ANKHD1: variants seen among roughly 807,000 people sequenced by gnomAD.
ANKHD1 encodes ankyrin repeat and KH domain containing 1.
A neutral mutation model predicts 230.5 loss-of-function variants in ANKHD1; 31 were observed. The observed-to-expected ratio is 0.13, with a 90% CI of 0.10 to 0.18. The LOEUF (loss-of-function observed/expected upper bound fraction) is 0.18, where lower values mean the gene tolerates loss of function less well. Ranked by LOEUF, ANKHD1 falls within the 10% of genes least tolerant of loss-of-function variation. The probability of loss-of-function intolerance (pLI) is 1.00; values close to 1 mark genes in which losing one functional copy is unlikely to be tolerated. For missense variants in ANKHD1, 2,256 were observed against 3,071.3 expected, an observed-to-expected ratio of 0.73 and a Z score of 6.27; for synonymous variants, 1,074 against 1,117.6, an observed-to-expected ratio of 0.96 and a Z score of 0.78.
At position 140,527,256 on chromosome 5, in the gene ANKHD1, T is replaced by A; in HGVS notation, c.5087+182T>A. ...CAGTATGTAAATTTTGCATGCATAT[T>A]TTATATGACACAAGAAATTTTGGCT... is the stretch of plus-strand genomic sequence containing the variant. On this transcript the variant is annotated intron_variant, in intron 27 of 33. Transcript: ENST00000360839. The surrounding 1 kb of genome is among the most constrained non-coding windows in gnomAD (Gnocchi z 4.5). The A allele has an allele frequency of 2.0e-6, 2 of 1,021,830 alleles. No individual in the cohort carries two copies. The highest frequency in any genetic ancestry group is 2.6e-6 in the Non-Finnish European group (2 of 771,698). The allele number at this position is 1,021,830 out of a possible 1,614,324, so 63.3% of individuals were successfully genotyped here. A position where few individuals can be genotyped will look rare whatever the true frequency, so the allele number is the denominator to read the frequency against.
At chr5:140,434,208 CT>C (rs1026853669) in intron 1 of ANKHD1, among the ~76,000 whole-genome samples, 4 of 151,592 alleles carry the variant, frequency 2.6e-5, no homozygotes, top group Non-Finnish European at 5.9e-5. Context: ...TACTGTGGTC[CT>C]TTTTTTTATA....
intron 11 of ANKHD1, among the ~76,000 whole-genome samples, chr5:140,483,509 G>A (rs1003776588): frequency 7.1e-6 from 1 of 141,590 alleles, no homozygotes; most frequent in African/African-American, 2.6e-5. Context: ...CTAGGCTGGA[G>A]TGCAATGGCG....
chr5:140,519,146 A>C (rs1665210850), intron 24 of ANKHD1, among the ~76,000 whole-genome samples: 1 of 152,194 alleles, frequency 6.6e-6, no homozygotes, highest in African/African-American at 2.4e-5. Flanking sequence ...CCAACAACAG[A>C]GAGCCAAATC....
In ANKHD1 at chr5:140,483,452, C is replaced by CTTT. The variant is rs369245406; in HGVS notation, c.1870+805_1870+807dup. ...TTAAAAATGCAGGGTAAGATTTTATCTTTTTTTTTTTTTTTTTTTTTTGAG... is the reference window on the plus strand; with the variant it reads ...TTAAAAATGCAGGGTAAGATTTTATCTTTTTTTTTTTTTTTTTTTTTTTTTGAG... On this transcript the variant is annotated intron_variant, in intron 11 of 33. Transcript: ENST00000360839. Among the ~76,000 whole-genome samples the CTTT allele has an allele frequency of 4.8e-3, 535 of 110,546 alleles. 10 individuals are homozygous for CTTT. The highest frequency in any genetic ancestry group is 0.016 in the African/African-American group (449 of 28,654). The allele number at this position is 110,546 out of a possible 152,430, so 72.5% of individuals were successfully genotyped here. A position where few individuals can be genotyped will look rare whatever the true frequency, so the allele number is the denominator to read the frequency against.
Position 140,528,165 on chromosome 5 carries a change from G to GTTTTTTTTTTTT in ANKHD1, c.5238-8_5238-7insTTTTTTTTTTTT. 1 of 1,135,226 alleles carries GTTTTTTTTTTTT rather than the reference G, an allele frequency of 8.8e-7. No homozygotes were observed. 70.3% of individuals were successfully genotyped at this position (1,135,226 alleles called of 1,614,324 possible). A position where few individuals can be genotyped will look rare whatever the true frequency, so the allele number is the denominator to read the frequency against. ...TTTTAATGTTTTTGGTCTTGTTTCT[G>GTTTTTTTTTTTT]TTTTTTTTTTTCCCTTAGGGGTGGC... On this transcript the variant is annotated intron_variant, in intron 28 of 33. Transcript: ENST00000360839.
At chr5:140,509,614 G>A (rs759250214) in intron 20 of ANKHD1, 23 bp from the exon 21 acceptor site, 13 of 1,489,258 alleles carry the variant, frequency 8.7e-6, no homozygotes, top group Middle Eastern at 3.6e-4. Context: ...TAACTTAGTT[G>A]CATAATTTAT....
Position 140,535,535 on chromosome 5 carries a change from T to G in ANKHD1, c.7024T>G (p.Ser2342Ala). The change falls in exon 30 of 34, where the codon TCA (serine) becomes GCA (alanine). Residue 2342 changes from serine to alanine, a missense_variant. Ser to Ala is a moderately conservative substitution (Grantham distance 99). Transcript: ENST00000360839. ...CCATCCTTGGACAAGCGCCTCAAAC[T>G]CATGTAGGAATCCTGGAGGAACTCT... The part of the protein sequence containing the change: ...SPHPWTSASN[S>A]STSAPPTLGQ... 2.5e-6 allele frequency: 4 copies of G among 1,589,566 alleles called. No homozygotes were observed. Among genetic ancestry groups the G allele is most frequent in the Non-Finnish European group, 3.4e-6 (4 of 1,172,356 alleles).
intron 29 of ANKHD1, among the ~76,000 whole-genome samples, 197 bp downstream of exon 29, chr5:140,529,993 A>T (rs1210723520): frequency 6.6e-6 from 1 of 152,026 alleles, no homozygotes; most frequent in Non-Finnish European, 1.5e-5. Flanking sequence ...ATTGGTGTCT[A>T]TTCATATTAA....
chr5:140,409,270 A>G (rs990980578), intron 1 of ANKHD1, among the ~76,000 whole-genome samples: 15 of 152,232 alleles, frequency 9.9e-5, no homozygotes, highest in Non-Finnish European at 2.2e-4. Context: ...ATATAAAACT[A>G]GCATGCACTG....
chr5:140,510,204 A>G (rs1752695688), intron 22 of ANKHD1, 23 bp downstream of exon 22: 1 of 1,576,768 alleles, frequency 6.3e-7, no homozygotes, highest in South Asian at 1.2e-5. Flanking sequence ...GGGGGAAGAA[A>G]GGTCAATTTT....
intron 1 of ANKHD1, 85 bp from the exon 2 acceptor site, chr5:140,436,019 A>T (rs1353818614): frequency 2.3e-6 from 3 of 1,328,072 alleles, no homozygotes; most frequent in Non-Finnish European, 2.9e-6. Flanking sequence ...AGTTCTAATT[A>T]AGAAGTCATA....
rs1329489435 is a variant in ANKHD1, at chr5:140,402,226, G to C, written c.259G>C (p.Gly87Arg). The C allele has an allele frequency of 6.6e-7, 1 of 1,518,624 alleles. No individual in the cohort carries two copies. The highest frequency in any genetic ancestry group is 1.2e-5 in the South Asian group (1 of 82,296). 94.1% of individuals were successfully genotyped at this position (1,518,624 alleles called of 1,614,324 possible). A position where few individuals can be genotyped will look rare whatever the true frequency, so the allele number is the denominator to read the frequency against. ...FKLAAAVLRT[G>R]GGGGASGSDE... The stretch of plus-strand genomic sequence containing the variant: ...GTTGGCGGCTGCCGTGCTGAGGACC[G>C]GGGGTGGAGGTGGTGCCTCTGGCAG... The change falls in exon 1 of 34, where the codon GGG (glycine) becomes CGG (arginine). Residue 87 changes from glycine to arginine, a missense_variant. By Grantham distance (125) the Gly-to-Arg change is moderately radical (BLOSUM62 -2). Transcript: ENST00000360839.
At chr5:140,409,726 G>C (rs144790243) in intron 1 of ANKHD1, among the ~76,000 whole-genome samples, 130 of 151,902 alleles carry the variant, frequency 8.6e-4, no homozygotes, top group African/African-American at 3.0e-3. Flanking sequence ...CTAATTTTTT[G>C]TATTTTTAGT....
At chr5:140,532,611 C>G (rs578022604) in intron 29 of ANKHD1, among the ~76,000 whole-genome samples, 1 of 152,054 alleles carries the variant, frequency 6.6e-6, no homozygotes, top group African/African-American at 2.4e-5. Flanking sequence ...TTCAGAGTTT[C>G]TTTTTAGGAT....
At chr5:140,408,485 TA>T (rs1443125207) in intron 1 of ANKHD1, among the ~76,000 whole-genome samples, 1 of 152,188 alleles carries the variant, frequency 6.6e-6, no homozygotes, top group Admixed American at 6.6e-5. Context: ...TACAATTATA[TA>T]AAAGCACGCA....
chr5:140,515,344 G>A (rs907944486), intron 24 of ANKHD1, among the ~76,000 whole-genome samples: 2 of 152,014 alleles, frequency 1.3e-5, no homozygotes, highest in African/African-American at 4.8e-5. Context: ...TTTAACATTG[G>A]TCTGTGAAGA....
chr5:140,424,327 A>G (rs1287287995), intron 1 of ANKHD1, among the ~76,000 whole-genome samples: 1 of 152,148 alleles, frequency 6.6e-6, no homozygotes, highest in Admixed American at 6.6e-5. Flanking sequence ...TCTGTCATCC[A>G]GGCTGGAATG....
intron 1 of ANKHD1, among the ~76,000 whole-genome samples, chr5:140,404,496 G>C (rs887257456): frequency 4.0e-5 from 6 of 151,314 alleles, no homozygotes; most frequent in Non-Finnish European, 5.9e-5. Context: ...GCGGTGGCTC[G>C]ATCTTGGCTC....
At chr5:140,428,189 C>T (rs1328345500) in intron 1 of ANKHD1, among the ~76,000 whole-genome samples, 1 of 149,466 alleles carries the variant, frequency 6.7e-6, no homozygotes, top group Non-Finnish European at 1.5e-5. Context: ...ACATCCCAGA[C>T]GATGGGCGGC....
Sources: gnomAD v4.1 joint callset for allele counts (sites outside exome capture counted in the v4.1 genomes callset) on GRCh38, gnomAD v4.1.1 for gene constraint, Gnocchi (gnomAD v3.1) non-coding constraint, MANE v1.5 for transcripts, NCBI Gene and HGNC (gene_info 2026-07-23, HGNC 2026-07-21) for gene names.